GMCL1: variants seen among roughly 807,000 people sequenced by gnomAD.
GMCL1 encodes the protein germ cell-less 1, spermatogenesis associated.
Under a neutral mutation model 75.5 loss-of-function variants are expected in GMCL1, and 54 were observed. The observed-to-expected ratio is 0.71, with a 90% CI of 0.57 to 0.90. GMCL1 has a LOEUF of 0.90. Among genes scored for constraint, GMCL1 ranks in the 40% least tolerant of loss-of-function variants. The pLI, the probability that GMCL1 is intolerant of heterozygous loss-of-function variation, is 0.00. For missense variants in GMCL1, 537 were observed against 622.7 expected (o/e 0.86, Z 1.47); for synonymous variants, 210 against 209.6 (o/e 1.00, Z -0.02).
At chr2:69,872,975 A>C (rs548334920) in intron 13 of GMCL1, among the ~76,000 whole-genome samples, 1 of 152,360 alleles carries the variant, frequency 6.6e-6, no homozygotes, top group Non-Finnish European at 1.5e-5. Flanking sequence ...AGCTAGAAGT[A>C]GAAGAAATAA....
rs942590484 is a variant in GMCL1, at chr2:69,861,706, T to C, written c.1142+359T>C. Reference sequence around the variant, plus strand: ...ATTTTTATATTTATGTCTAGGTAAATCTGTTTTTCTTATGGTAGTATTGTC... The same window carrying C: ...ATTTTTATATTTATGTCTAGGTAAACCTGTTTTTCTTATGGTAGTATTGTC... On this transcript the variant is annotated intron_variant, in intron 10 of 13. Transcript: ENST00000282570. Among the ~76,000 whole-genome samples the C allele has an allele frequency of 4.1e-4, 62 of 152,320 alleles. 1 individual carries two copies. The highest frequency in any genetic ancestry group is 4.0e-3 in the Admixed American group (61 of 15,302).
At chr2:69,863,254 A>G (rs1675711438) in intron 10 of GMCL1, among the ~76,000 whole-genome samples, 2 of 152,140 alleles carry the variant, frequency 1.3e-5, no homozygotes, top group Admixed American at 1.3e-4. Flanking sequence ...GTTGAGAAAA[A>G]TCTGTATAAA....
Position 69,871,726 on chromosome 2 carries a change from ATT to A in GMCL1, c.1365-10_1365-9del. ...TTTAAAAATCTTGTGTTTATTTTTTATTTTTTTTTTAATCCTAGATTACGTTT... is the reference window on the plus strand; with the variant it reads ...TTTAAAAATCTTGTGTTTATTTTTTATTTTTTTTAATCCTAGATTACGTTT... On this transcript the variant is annotated splice_polypyrimidine_tract_variant and intron_variant, in intron 12 of 13. Coordinates refer to ENST00000282570, the MANE Select transcript of GMCL1 (RefSeq NM_178439.5). 16 of 1,227,488 alleles carry A rather than the reference ATT, an allele frequency of 1.3e-5. No homozygotes were observed. Among genetic ancestry groups the A allele is most frequent in the South Asian group, 2.9e-5 (2 of 69,756 alleles). 76.0% of individuals were successfully genotyped at this position (1,227,488 alleles called of 1,614,324 possible).
At chr2:69,859,343 T>C (rs1298417222) in intron 9 of GMCL1, among the ~76,000 whole-genome samples, 1 of 151,266 alleles carries the variant, frequency 6.6e-6, no homozygotes, top group East Asian at 1.9e-4. Context: ...ATATATGAAT[T>C]TTTTTAAATA....
rs1558548980 is a variant in GMCL1 at position 69,864,916 on chromosome 2, A to G, written c.1159A>G (p.Lys387Glu). ...TATTTTTAGGCCTCAAGAAATCAAT[A>G]AAGAAGAACTAGAGGGAAACAGCAT... ...DSEVGPQEIN[K>E]EELEGNSMRC... Residue 387 changes from lysine to glutamate, a missense_variant, in exon 11 of 14, where the codon AAA becomes GAA. Lys to Glu is a moderately conservative substitution (Grantham distance 56). This residue lies in a region of GMCL1 where 345 missense variants were observed against 410.5 expected (regional missense o/e 0.84). Transcript: ENST00000282570. 2.5e-6 allele frequency: 4 copies of G among 1,611,988 alleles called. No individual in the cohort carries two copies. Among genetic ancestry groups the G allele is most frequent in the Non-Finnish European group, 3.4e-6 (4 of 1,178,288 alleles).
At chr2:69,850,651 C>T (rs1337649437) in intron 8 of GMCL1, among the ~76,000 whole-genome samples, 2 of 152,126 alleles carry the variant, frequency 1.3e-5, no homozygotes, top group Non-Finnish European at 2.9e-5. Context: ...TATATTATTG[C>T]ACCATGTATA....
chr2:69,854,804 C>T lies in GMCL1; in HGVS notation c.935-19C>T. 6.3e-7 allele frequency: 1 copy of T among 1,596,466 alleles called. No individual in the cohort carries two copies. The highest frequency in any genetic ancestry group is 8.5e-7 in the Non-Finnish European group (1 of 1,173,446). On this transcript the variant is annotated intron_variant, in intron 8 of 13. Coordinates refer to ENST00000282570, the MANE Select transcript of GMCL1 (RefSeq NM_178439.5). ...AGGTTTGAAAAGAATGGCTGTTTAA[C>T]TTACATGGTTTTTTATAGATTTTGA...
Position 69,855,641 on chromosome 2 carries a change from T to C in GMCL1, c.1072+681T>C, listed in dbSNP as rs748554820. 5.3e-5 allele frequency among the ~76,000 whole-genome samples: 8 copies of C among 152,148 alleles called. 1 individual carries two copies. The highest frequency in any genetic ancestry group is 3.3e-4 in the Admixed American group (5 of 15,274). On this transcript the variant is annotated intron_variant, in intron 9 of 13. Coordinates refer to ENST00000282570, the MANE Select transcript of GMCL1 (RefSeq NM_178439.5). The stretch of plus-strand genomic sequence containing the variant: ...TTTGTTCCTGATATCTGTATACTTA[T>C]TTGGAAAGAAATTGAAGGGAAGGAA...
intron 8 of GMCL1, among the ~76,000 whole-genome samples, chr2:69,854,120 G>GTAT (rs70954364): frequency 0.075 from 10,798 of 143,920 alleles, 490 homozygotes; most frequent in African/African-American, 0.12. Flanking sequence ...TCTATTTTCA[G>GTAT]TATTATTATT....
At chr2:69,847,659 A>G in intron 7 of GMCL1, 32 bp downstream of exon 7, 1 of 1,319,116 alleles carries the variant, frequency 7.6e-7, no homozygotes. Flanking sequence ...ATATTATACA[A>G]GGATGTCACC....
chr2:69,844,839 TG>T, intron 6 of GMCL1: 1 of 379,664 alleles, frequency 2.6e-6, no homozygotes, highest in Non-Finnish European at 5.6e-6. Flanking sequence ...CGTCACCTCC[TG>T]GTACAAGGTC....
At chr2:69,872,381 C>A (rs920106530) in intron 13 of GMCL1, among the ~76,000 whole-genome samples, 1 of 152,062 alleles carries the variant, frequency 6.6e-6, no homozygotes, top group African/African-American at 2.4e-5. Flanking sequence ...GAAAGTAGAC[C>A]ATTTTTAAAA....
At chr2:69,878,529 A>T (rs1351655547) in intron 13 of GMCL1, among the ~76,000 whole-genome samples, 4 of 152,228 alleles carry the variant, frequency 2.6e-5, no homozygotes, top group Non-Finnish European at 5.9e-5. Context: ...AAATTTTTTT[A>T]AAAATTGAAG....
chr2:69,879,914 T>G lies in GMCL1; in HGVS notation c.*910T>G, dbSNP rs568842821. 1 of 152,222 alleles carries G rather than the reference T, an allele frequency of 6.6e-6. No homozygotes were observed. The highest frequency in any genetic ancestry group is 6.5e-5 in the Admixed American group (1 of 15,284). 9.4% of individuals were successfully genotyped at this position (152,222 alleles called of 1,614,324 possible). A position where few individuals can be genotyped will look rare whatever the true frequency, so the allele number is the denominator to read the frequency against. ...TTAGTTGGGAACTTTGTTTCCTACT[T>G]AAGCTCAGGACTTTTTACCCTCTGA... On this transcript the variant is annotated 3_prime_UTR_variant, in exon 14 of 14. Coordinates refer to ENST00000282570, the MANE Select transcript of GMCL1 (RefSeq NM_178439.5).
intron 9 of GMCL1, among the ~76,000 whole-genome samples, chr2:69,860,100 CAAG>C (rs1424100623): frequency 2.0e-5 from 3 of 152,084 alleles, no homozygotes; most frequent in Non-Finnish European, 4.4e-5. Context: ...CTCTCAGACT[CAAG>C]AGATCTTTCT....
intron 6 of GMCL1, among the ~76,000 whole-genome samples, chr2:69,845,213 G>A (rs1002841467): frequency 8.5e-5 from 13 of 152,224 alleles, no homozygotes; most frequent in Non-Finnish European, 1.5e-4. Flanking sequence ...CGCCGCCTTC[G>A]TCCTCAAGCG....
intron 7 of GMCL1, among the ~76,000 whole-genome samples, chr2:69,848,486 C>T (rs1675218731): frequency 6.6e-6 from 1 of 152,160 alleles, no homozygotes; most frequent in Non-Finnish European, 1.5e-5. Context: ...GCTGGCGGAT[C>T]GCTTGAGGCC....
At chr2:69,835,473 ATCCT>A (rs1674793221) in intron 1 of GMCL1, among the ~76,000 whole-genome samples, 1 of 151,292 alleles carries the variant, frequency 6.6e-6, no homozygotes, top group Admixed American at 6.6e-5. Flanking sequence ...ATGGTGGGTG[ATCCT>A]TCCTTGCTTG....
chr2:69,831,980 G>A (rs927287695), intron 1 of GMCL1, among the ~76,000 whole-genome samples: 3 of 152,164 alleles, frequency 2.0e-5, no homozygotes, highest in Non-Finnish European at 4.4e-5. Flanking sequence ...CAGCACTTTG[G>A]GAGGCTGAAG....
Sources: allele counts gnomAD v4.1 joint callset (sites outside exome capture counted in the v4.1 genomes callset), GRCh38; gene constraint gnomAD v4.1.1; regional missense constraint gnomAD v4.1.1; transcripts MANE v1.5; gene names NCBI Gene and HGNC (gene_info 2026-07-23, HGNC 2026-07-21).